The following RIN2 variants were observed in gnomAD, a reference collection of about 807,000 sequenced individuals.
The protein encoded by RIN2 is Ras and Rab interactor 2.
A neutral mutation model predicts 78.0 loss-of-function variants in RIN2; 36 were observed. The observed-to-expected ratio is 0.46, with a 90% CI of 0.35 to 0.61. RIN2 has a LOEUF of 0.61. Ranked by LOEUF, RIN2 falls within the 20% of genes least tolerant of loss-of-function variation. The pLI, the probability that RIN2 is intolerant of heterozygous loss-of-function variation, is 0.00. For missense variants in RIN2, 1,087 were observed against 1,159.7 expected (o/e 0.94, Z 0.91); for synonymous variants, 466 against 466.8 (o/e 1.00, Z 0.02).
chr20:19,764,918 G>GTTATTTTT (rs2033805829), intron 1 of RIN2, among the ~76,000 whole-genome samples: 1 of 50,362 alleles, frequency 2.0e-5, no homozygotes, highest in African/African-American at 6.5e-5. Context: ...CACTTTCTGC[G>GTTATTTTT]TTTTTTTTTT....
chr20:19,924,686 C>A (rs1480189058), intron 3 of RIN2, among the ~76,000 whole-genome samples: 1 of 34,944 alleles, frequency 2.9e-5, no homozygotes, highest in Non-Finnish European at 5.2e-5. Context: ...CACTTTCATA[C>A]CCCCACCTCT....
intron 2 of RIN2, among the ~76,000 whole-genome samples, chr20:19,805,609 C>T (rs938426554): frequency 6.6e-5 from 10 of 152,082 alleles, no homozygotes; most frequent in Non-Finnish European, 1.3e-4. Flanking sequence ...GCCACGTTGG[C>T]CAGGCTGGTC....
At chr20:19,874,308 C>G (rs55660218) in intron 2 of RIN2, among the ~76,000 whole-genome samples, 36,857 of 152,112 alleles carry the variant, frequency 0.24, 4,645 homozygotes, top group East Asian at 0.32. Flanking sequence ...CAAGGTTATG[C>G]ATTGATCTGT....
At chr20:19,951,142 C>A (rs551375427) in intron 4 of RIN2, among the ~76,000 whole-genome samples, 1 of 152,108 alleles carries the variant, frequency 6.6e-6, no homozygotes, top group Non-Finnish European at 1.5e-5. Flanking sequence ...GATCCATACA[C>A]CTTGCCCTCC....
At chr20:19,861,582 C>A (rs1006443957) in intron 2 of RIN2, among the ~76,000 whole-genome samples, 2 of 151,784 alleles carry the variant, frequency 1.3e-5, no homozygotes, top group Non-Finnish European at 2.9e-5. Flanking sequence ...TGATGATCAC[C>A]CTCCATATCT....
intron 9 of RIN2, among the ~76,000 whole-genome samples, chr20:19,976,836 C>G (rs186151981): frequency 1.8e-3 from 272 of 149,330 alleles, no homozygotes; most frequent in African/African-American, 6.6e-3. Flanking sequence ...TTCTCTTTCT[C>G]TGTCTCTCTC....
intron 2 of RIN2, among the ~76,000 whole-genome samples, chr20:19,870,472 C>T (rs1359358036): frequency 6.6e-6 from 1 of 152,030 alleles, no homozygotes; most frequent in African/African-American, 2.4e-5. Flanking sequence ...CATGGTGAAA[C>T]CCCATCTCTA....
At chr20:19,953,400 CT>C (rs2041405518) in intron 4 of RIN2, among the ~76,000 whole-genome samples, 1 of 151,934 alleles carries the variant, frequency 6.6e-6, no homozygotes, top group Non-Finnish European at 1.5e-5. Flanking sequence ...CCAAAGTGTG[CT>C]GGGATTACAG....
Position 19,960,820 on chromosome 20 carries a change from T to C in RIN2, c.463+9T>C. 2 of 1,540,038 alleles carry C rather than the reference T, an allele frequency of 1.3e-6. No individual in the cohort carries two copies. The highest frequency in any genetic ancestry group is 8.9e-7 in the Non-Finnish European group (1 of 1,126,278). ...AAAGGAAAGCACATACAGTAAGTGG[T>C]CATTGGATGCTCAGGTCCTGACTGA... is the stretch of plus-strand genomic sequence containing the variant. On this transcript the variant is annotated intron_variant, in intron 6 of 12. Coordinates refer to ENST00000255006, the MANE Select transcript of RIN2 (RefSeq NM_018993.4).
intron 3 of RIN2, among the ~76,000 whole-genome samples, chr20:19,901,102 A>G (rs182831933): frequency 3.3e-5 from 5 of 152,278 alleles, no homozygotes; most frequent in East Asian, 1.9e-4. Flanking sequence ...CTGTATTTCA[A>G]TGAGTGAACG....
At chr20:19,764,889 G>C (rs1021489700) in intron 1 of RIN2, among the ~76,000 whole-genome samples, 2 of 141,326 alleles carry the variant, frequency 1.4e-5, no homozygotes, top group Non-Finnish European at 3.0e-5. Context: ...AATTCTACTA[G>C]GAAGGGCAAG....
At chr20:19,949,059 G>A (rs2041212115) in intron 4 of RIN2, among the ~76,000 whole-genome samples, 1 of 152,022 alleles carries the variant, frequency 6.6e-6, no homozygotes, top group Non-Finnish European at 1.5e-5. Context: ...GCGGGGGATT[G>A]CCTGAGTTCA....
At chr20:19,905,053 C>T (rs2039158413) in intron 3 of RIN2, among the ~76,000 whole-genome samples, 1 of 152,198 alleles carries the variant, frequency 6.6e-6, no homozygotes, top group Non-Finnish European at 1.5e-5. Flanking sequence ...CAAGCTCTTC[C>T]AGCCTGGTGG....
intron 2 of RIN2, among the ~76,000 whole-genome samples, chr20:19,886,299 A>AG (rs2038186529): frequency 6.6e-6 from 1 of 152,216 alleles, no homozygotes; most frequent in Non-Finnish European, 1.5e-5. Flanking sequence ...CATAGCAGGC[A>AG]GGCAGTGCAG....
intron 3 of RIN2, among the ~76,000 whole-genome samples, chr20:19,896,733 T>G (rs2038746997): frequency 6.6e-6 from 1 of 152,190 alleles, no homozygotes; most frequent in South Asian, 2.1e-4. Context: ...AAATTCTTCA[T>G]AGACACTGAC....
At chr20:19,840,566 T>C (rs370686066) in intron 2 of RIN2, among the ~76,000 whole-genome samples, 17 of 152,384 alleles carry the variant, frequency 1.1e-4, no homozygotes, top group African/African-American at 4.1e-4. Flanking sequence ...CATGGGCTTC[T>C]GTCAAGGGTA....
chr20:19,902,251 T>C (rs893897998), intron 3 of RIN2, among the ~76,000 whole-genome samples: 1 of 152,138 alleles, frequency 6.6e-6, no homozygotes, highest in East Asian at 1.9e-4. Context: ...CAGCACTCAT[T>C]GGACTCCTCC....
At chr20:19,841,885 C>G (rs2036588514) in intron 2 of RIN2, among the ~76,000 whole-genome samples, 1 of 152,212 alleles carries the variant, frequency 6.6e-6, no homozygotes, top group South Asian at 2.1e-4. Context: ...TCCAGAAGAT[C>G]TAGCCAAGAT....
chr20:19,868,056 C>T (rs1239744113), intron 2 of RIN2, among the ~76,000 whole-genome samples: 2 of 152,258 alleles, frequency 1.3e-5, no homozygotes, highest in South Asian at 2.1e-4. Flanking sequence ...CCAAGCTCCA[C>T]AGCAGGAACT....
Sources: allele counts gnomAD v4.1 joint callset (sites outside exome capture counted in the v4.1 genomes callset), GRCh38; gene constraint gnomAD v4.1.1; transcripts MANE v1.5; gene names NCBI Gene and HGNC (gene_info 2026-07-23, HGNC 2026-07-21).